Variants in CDH4 observed in about 807,000 individuals in gnomAD.
CDH4 encodes cadherin-4.
CDH4 carries 33 observed loss-of-function variants against 86.0 expected under a neutral mutation model. The observed-to-expected ratio is 0.38, with a 90% confidence interval of 0.29 to 0.51. The LOEUF is 0.51. CDH4 is among the 20% of genes least tolerant of loss of function. The pLI is 0.86. For synonymous variants in CDH4, 555 were observed against 549.4 expected (o/e 1.01, Z -0.14); for missense variants, 1,114 against 1,307.4 (o/e 0.85, Z 2.28).
intron 2 of CDH4, among the ~76,000 whole-genome samples, chr20:61,374,581 A>G (rs1364185908): frequency 6.6e-6 from 1 of 152,232 alleles, no homozygotes; most frequent in African/African-American, 2.4e-5. Flanking sequence ...CAGTTGTCAC[A>G]GGTGTAAACC....
intron 2 of CDH4, among the ~76,000 whole-genome samples, chr20:61,495,096 C>T (rs1568864827): frequency 6.6e-6 from 1 of 152,250 alleles, no homozygotes; most frequent in Non-Finnish European, 1.5e-5. Flanking sequence ...CCCCAAACAG[C>T]TGTTTTAATA....
intron 2 of CDH4, among the ~76,000 whole-genome samples, chr20:61,730,924 G>C (rs1422777734): frequency 6.9e-6 from 1 of 145,494 alleles, no homozygotes; most frequent in South Asian, 2.3e-4. Flanking sequence ...TGGGTGTCCA[G>C]TTGGGGTATC....
chr20:61,371,759 G>T (rs984411720), intron 2 of CDH4, among the ~76,000 whole-genome samples: 1 of 152,258 alleles, frequency 6.6e-6, no homozygotes, highest in African/African-American at 2.4e-5. Flanking sequence ...GGGCTGGGCC[G>T]CATGGAAGGC....
chr20:61,456,869 TAGG>T (rs1375422065), intron 2 of CDH4, among the ~76,000 whole-genome samples: 6 of 152,298 alleles, frequency 3.9e-5, no homozygotes, highest in African/African-American at 1.4e-4. Flanking sequence ...CTGAGAATAA[TAGG>T]AGAACTTCTC....
At position 61,285,545 on chromosome 20, in the gene CDH4, C is replaced by T. The variant is rs79617193; in HGVS notation, c.169+30608C>T. Among the ~76,000 whole-genome samples, 1,236 of 152,292 alleles carry T rather than the reference C, an allele frequency of 8.1e-3. 14 individuals carry two copies. The highest frequency in any genetic ancestry group is 0.028 in the African/African-American group (1,173 of 41,560). On this transcript the variant is annotated intron_variant, in intron 2 of 15. Transcript: ENST00000614565. ...CTGTGCGGCCCCTCCGAGCCTGCCA[C>T]GGAGCATTTTTTGCCGGGCAGATAA...
chr20:61,401,522 G>A (rs6121454), intron 2 of CDH4, among the ~76,000 whole-genome samples: 76,298 of 151,818 alleles, frequency 0.5, 20,195 homozygotes, highest in African/African-American at 0.67. Flanking sequence ...GCCAAGAGGG[G>A]CATGGGCTTC....
chr20:61,827,260 G>A (rs1288495794), intron 4 of CDH4, among the ~76,000 whole-genome samples: 1 of 152,060 alleles, frequency 6.6e-6, no homozygotes, highest in East Asian at 1.9e-4. Context: ...TACACCGGTG[G>A]GAATTATTTT....
intron 2 of CDH4, among the ~76,000 whole-genome samples, chr20:61,379,066 C>T (rs960320268): frequency 1.6e-4 from 25 of 152,108 alleles, no homozygotes; most frequent in South Asian, 4.1e-4. Flanking sequence ...CAAAAGGGAG[C>T]GTGAGAATGC....
intron 2 of CDH4, among the ~76,000 whole-genome samples, chr20:61,533,380 C>A (rs1260936796): frequency 6.6e-6 from 1 of 152,228 alleles, no homozygotes; most frequent in African/African-American, 2.4e-5. Context: ...GGTGTGGCTG[C>A]AACCCGCTGA....
intron 2 of CDH4, among the ~76,000 whole-genome samples, chr20:61,431,500 C>T (rs924013073): frequency 4.6e-5 from 7 of 151,712 alleles, no homozygotes; most frequent in Admixed American, 6.6e-5. Flanking sequence ...GCTGGTACTA[C>T]GAGTGCATGC....
At position 61,517,694 on chromosome 20, in the gene CDH4, GT is replaced by G. The variant is rs111419682; in HGVS notation, c.170-225867del. Among the ~76,000 whole-genome samples the G allele has an allele frequency of 0.19, 28,773 of 152,152 alleles. 2,981 individuals are homozygous for G. Among genetic ancestry groups the G allele is most frequent in the African/African-American group, 0.27 (11,184 of 41,484 alleles). ...CCATGGAGGGAATGAACAAGGAGGG[GT>G]TGTCGGACGTGTTCAGGACAGGAAC... is the stretch of plus-strand genomic sequence containing the variant. On this transcript the variant is annotated intron_variant, in intron 2 of 15. Coordinates refer to ENST00000614565, the MANE Select transcript of CDH4 (RefSeq NM_001794.5). The surrounding 1 kb of genome is among the most constrained non-coding windows in gnomAD (Gnocchi z 6.6).
chr20:61,739,326 C>A (rs1388869114), intron 2 of CDH4, among the ~76,000 whole-genome samples: 2 of 152,178 alleles, frequency 1.3e-5, no homozygotes, highest in Non-Finnish European at 2.9e-5. Flanking sequence ...CCGGACCAGC[C>A]TGGGGAGGCT....
chr20:61,660,206 C>G (rs1600849523), intron 2 of CDH4, among the ~76,000 whole-genome samples: 1 of 152,162 alleles, frequency 6.6e-6, no homozygotes, highest in African/African-American at 2.4e-5. Flanking sequence ...CCATGGGAGC[C>G]AGAGGCCGCC....
chr20:61,826,962 A>AGTGTGT (rs11470719), intron 4 of CDH4, among the ~76,000 whole-genome samples: 24 of 146,088 alleles, frequency 1.6e-4, no homozygotes, highest in African/African-American at 5.3e-4. Flanking sequence ...AGAAGGGAAA[A>AGTGTGT]GTGTGTGTGT....
At chr20:61,669,451 C>T (rs544738485) in intron 2 of CDH4, among the ~76,000 whole-genome samples, 18 of 152,314 alleles carry the variant, frequency 1.2e-4, no homozygotes, top group Middle Eastern at 3.4e-3. Flanking sequence ...TTTATTCTCA[C>T]ATCACTGGGA....
intron 2 of CDH4, among the ~76,000 whole-genome samples, chr20:61,724,175 C>T (rs6142837): frequency 0.33 from 48,274 of 146,556 alleles, 9,046 homozygotes; most frequent in South Asian, 0.43. Context: ...AGGCTCCATG[C>T]GGCAGGCGGG....
chr20:61,527,759 C>G (rs939918896), intron 2 of CDH4, among the ~76,000 whole-genome samples: 3 of 151,958 alleles, frequency 2.0e-5, no homozygotes, highest in Admixed American at 6.6e-5. Flanking sequence ...GGAGACGTCT[C>G]GTGGTTCTGG....
At chr20:61,556,547 G>A (rs990421949) in intron 2 of CDH4, among the ~76,000 whole-genome samples, 10 of 152,188 alleles carry the variant, frequency 6.6e-5, no homozygotes, top group Non-Finnish European at 1.3e-4. Flanking sequence ...TGCCACAATT[G>A]AGAACAAATG....
chr20:61,444,688 T>C (rs1017694060), intron 2 of CDH4, among the ~76,000 whole-genome samples: 1 of 152,156 alleles, frequency 6.6e-6, no homozygotes, highest in African/African-American at 2.4e-5. Context: ...TGTGTGTCTT[T>C]GTATACATCT....
Sources: allele counts gnomAD v4.1 joint callset (sites outside exome capture counted in the v4.1 genomes callset), GRCh38; gene constraint gnomAD v4.1.1; non-coding constraint Gnocchi (gnomAD v3.1); transcripts MANE v1.5; gene names NCBI Gene and HGNC (gene_info 2026-07-23, HGNC 2026-07-21).